PDE7B: variants seen among roughly 807,000 people sequenced by gnomAD.
PDE7B encodes the protein 3',5'-cyclic-AMP phosphodiesterase 7B.
PDE7B carries 29 observed loss-of-function variants against 56.2 expected under a neutral mutation model. That is an observed-to-expected ratio of 0.52 (90% confidence interval 0.38 to 0.70). PDE7B has a LOEUF of 0.70. PDE7B is among the 30% of genes least tolerant of loss of function. The pLI, the probability that PDE7B is intolerant of heterozygous loss-of-function variation, is 0.00. For missense variants in PDE7B, 490 were observed against 565.0 expected (o/e 0.87, Z 1.35); for synonymous variants, 197 against 196.9 (o/e 1.00, Z 0.00).
chr6:135,902,849 C>A (rs9483888), intron 1 of PDE7B, among the ~76,000 whole-genome samples: 9,048 of 152,148 alleles, frequency 0.059, 481 homozygotes, highest in African/African-American at 0.14. Context: ...AGTATATAAT[C>A]GGCACATCCT....
rs552163550 is a variant in PDE7B, at chr6:136,148,705, G to A, written c.319-382G>A. 1.2e-4 allele frequency among the ~76,000 whole-genome samples: 18 copies of A among 152,206 alleles called. No individual in the cohort carries two copies. The East Asian group carries it at 2.5e-3, about 21-fold the overall frequency. On this transcript the variant is annotated intron_variant, in intron 4 of 12. Coordinates refer to ENST00000308191, the MANE Select transcript of PDE7B (RefSeq NM_018945.4). ...ATGTCACTGACAGAGCACTCTTGGC[G>A]GTGTCTCTCCTCTAAGCAGCCACCT...
At chr6:136,189,765 C>A (rs1779193096) in intron 12 of PDE7B, among the ~76,000 whole-genome samples, 1 of 151,682 alleles carries the variant, frequency 6.6e-6, no homozygotes, top group Non-Finnish European at 1.5e-5. Flanking sequence ...GGACAACAGC[C>A]CAGCAATGTC....
chr6:135,897,022 T>A (rs1057131132), intron 1 of PDE7B, among the ~76,000 whole-genome samples: 8 of 152,132 alleles, frequency 5.3e-5, no homozygotes, highest in Non-Finnish European at 1.0e-4. Context: ...CTCTGATACC[T>A]CTCTCATACA....
chr6:136,177,875 A>G (rs777024546), intron 9 of PDE7B, among the ~76,000 whole-genome samples: 1 of 152,248 alleles, frequency 6.6e-6, no homozygotes, highest in Non-Finnish European at 1.5e-5. Flanking sequence ...TCAAGTGACC[A>G]TGAAAAGTAG....
chr6:136,145,551 G>C (rs1778400756), intron 3 of PDE7B, among the ~76,000 whole-genome samples: 2 of 152,152 alleles, frequency 1.3e-5, no homozygotes, highest in Non-Finnish European at 2.9e-5. Context: ...GAGTGTTGCT[G>C]CTTCTAGGCA....
intron 2 of PDE7B, among the ~76,000 whole-genome samples, chr6:136,011,042 C>T (rs1583827386): frequency 6.6e-6 from 1 of 152,112 alleles, no homozygotes; most frequent in Non-Finnish European, 1.5e-5. Context: ...TTTACTCACA[C>T]CTCAGACATA....
At chr6:135,886,881 C>G (rs1775718762) in intron 1 of PDE7B, among the ~76,000 whole-genome samples, 1 of 151,934 alleles carries the variant, frequency 6.6e-6, no homozygotes. Flanking sequence ...GGGTAGATAC[C>G]CAGTAGTGGG....
At position 136,097,770 on chromosome 6, in the gene PDE7B, G is replaced by T. The variant is rs1777491636; in HGVS notation, c.83-10961G>T. Among the ~76,000 whole-genome samples, 3 of 151,888 alleles carry T rather than the reference G, an allele frequency of 2.0e-5. No individual in the cohort carries two copies. The South Asian group carries it at 6.2e-4, about 32-fold the overall frequency. On this transcript the variant is annotated intron_variant, in intron 2 of 12. Coordinates refer to ENST00000308191, the MANE Select transcript of PDE7B (RefSeq NM_018945.4). ...ACTAACACTTCTCCAGCCTCATTTT[G>T]CACCGTGTCTCATCCCGCCGACCTT...
At chr6:136,124,068 T>C (rs1322945650) in intron 3 of PDE7B, among the ~76,000 whole-genome samples, 2 of 152,192 alleles carry the variant, frequency 1.3e-5, no homozygotes, top group Admixed American at 1.3e-4. Context: ...CCCTTTGTTA[T>C]GAGTTTTTAA....
intron 2 of PDE7B, among the ~76,000 whole-genome samples, chr6:136,010,427 C>T (rs541709425): frequency 4.0e-4 from 52 of 129,142 alleles, no homozygotes; most frequent in Middle Eastern, 9.5e-3. Flanking sequence ...TTTTTTGAGA[C>T]GGAGTTTCAC....
At chr6:135,996,629 G>A (rs1405540228) in intron 2 of PDE7B, among the ~76,000 whole-genome samples, 2 of 152,160 alleles carry the variant, frequency 1.3e-5, no homozygotes, top group African/African-American at 2.4e-5. Flanking sequence ...AGAAGTATCC[G>A]TTTCTCTTTT....
intron 9 of PDE7B, among the ~76,000 whole-genome samples, chr6:136,176,167 A>G (rs74623929): frequency 0.021 from 3,154 of 152,122 alleles, 100 homozygotes; most frequent in African/African-American, 0.071. Context: ...CTCTTTGTAT[A>G]TTAACTACAG....
chr6:136,014,186 T>C (rs901022656), intron 2 of PDE7B, among the ~76,000 whole-genome samples: 2 of 152,258 alleles, frequency 1.3e-5, no homozygotes, highest in African/African-American at 4.8e-5. Flanking sequence ...AAGAATGACA[T>C]GTTCATTTTA....
chr6:136,147,117 G>A (rs1778426508), intron 3 of PDE7B, among the ~76,000 whole-genome samples: 2 of 151,816 alleles, frequency 1.3e-5, no homozygotes, highest in South Asian at 4.2e-4. Context: ...ACTCCAGACT[G>A]GATGACAGTG....
In PDE7B at chr6:136,165,310, T is replaced by C. The variant is rs534128108; in HGVS notation, c.712-8487T>C. On this transcript the variant is annotated intron_variant, in intron 8 of 12. Transcript: ENST00000308191. ...GTGTGTATGTGTGTTTCCAACTTTA[T>C]TAAGGAGATTCTCCTCACTCTTTTT... is the stretch of plus-strand genomic sequence containing the variant. Among the ~76,000 whole-genome samples, 6 of 152,308 alleles carry C rather than the reference T, an allele frequency of 3.9e-5. No homozygotes were observed. The South Asian group carries it at 1.2e-3, about 32-fold the overall frequency.
intron 1 of PDE7B, among the ~76,000 whole-genome samples, chr6:135,882,229 A>G (rs548867268): frequency 6.6e-6 from 1 of 152,330 alleles, no homozygotes; most frequent in South Asian, 2.1e-4. Context: ...ATTTATTACC[A>G]TGTGGTGTGA....
Position 136,194,420 on chromosome 6 carries a change from G to A in PDE7B, c.*2580G>A, listed in dbSNP as rs1779280332. ...GGGTAAGCCCATGATGTAGCCACTA[G>A]TACAATAAAAATCTGAAGTAAAATG... On this transcript the variant is annotated 3_prime_UTR_variant, in exon 13 of 13. Coordinates refer to ENST00000308191, the MANE Select transcript of PDE7B (RefSeq NM_018945.4). 6.6e-6 allele frequency: 1 copy of A among 152,162 alleles called. No homozygotes were observed. Among genetic ancestry groups the A allele is most frequent in the African/African-American group, 2.4e-5 (1 of 41,422 alleles). 9.4% of individuals were successfully genotyped at this position (152,162 alleles called of 1,614,324 possible). A position where few individuals can be genotyped will look rare whatever the true frequency, so the allele number is the denominator to read the frequency against.
intron 2 of PDE7B, among the ~76,000 whole-genome samples, chr6:136,102,181 A>ATGCCTGGGGCTTGTCAC (rs1159700874): frequency 6.6e-6 from 1 of 152,090 alleles, no homozygotes; most frequent in Admixed American, 6.5e-5. Context: ...CACAAGGACT[A>ATGCCTGGGGCTTGTCAC]AAGGTGCTCA....
intron 2 of PDE7B, among the ~76,000 whole-genome samples, chr6:135,994,043 C>T (rs768908743): frequency 5.3e-5 from 8 of 151,790 alleles, no homozygotes; most frequent in Non-Finnish European, 1.0e-4. Flanking sequence ...ACTACCCCTT[C>T]CTTTAATCTC....
Sources: allele counts gnomAD v4.1 joint callset (sites outside exome capture counted in the v4.1 genomes callset), GRCh38; gene constraint gnomAD v4.1.1; transcripts MANE v1.5; gene names NCBI Gene and HGNC (gene_info 2026-07-23, HGNC 2026-07-21).